The following ZNF433 variants were observed in gnomAD, a reference collection of about 807,000 sequenced individuals.
ZNF433 encodes the protein zinc finger protein 433.
A neutral mutation model predicts 10.6 loss-of-function variants in ZNF433; 12 were observed. The observed-to-expected ratio is 1.13, with a 90% CI of 0.72 to 1.83. ZNF433 has a LOEUF of 1.83. Among genes scored for constraint, ZNF433 ranks in the 40% most tolerant of loss-of-function variants. The pLI is 0.00. For synonymous variants in ZNF433, 272 were observed against 271.3 expected, an observed-to-expected ratio of 1.00 and a Z score of -0.02; for missense variants, 737 against 798.0, an observed-to-expected ratio of 0.92 and a Z score of 0.92.
chr19:12,027,739 A>G (rs554709156), intron 1 of ZNF433, among the ~76,000 whole-genome samples: 89 of 152,254 alleles, frequency 5.8e-4, no homozygotes, highest in African/African-American at 2.0e-3. Context: ...TCCACATTCT[A>G]TTATTTCTCT....
intron 1 of ZNF433, among the ~76,000 whole-genome samples, chr19:12,022,653 T>G (rs1156283131): frequency 6.6e-6 from 1 of 152,072 alleles, no homozygotes; most frequent in African/African-American, 2.4e-5. Context: ...AGCATCAGGG[T>G]AACAAAGGGA....
rs779159244 is a variant in ZNF433, at chr19:12,015,398, G to T, written c.1460C>A (p.Pro487His). The change falls in exon 4 of 4, where the codon CCC becomes CAC. Residue 487 changes from proline to histidine, a missense_variant. By Grantham distance (77) the Pro-to-His change is moderately conservative. Coordinates refer to ENST00000550507, the MANE Select transcript of ZNF433 (RefSeq NM_001308348.2). Reference sequence around the variant, plus strand: ...CCTTTCATGTCTATGAAATAAACTGGGCAAACTGAATGTTTTCCCATAACC... The same window carrying T: ...CCTTTCATGTCTATGAAATAAACTGTGCAAACTGAATGTTTTCCCATAACC... Reference protein sequence around the residue: ...CKGYGKTFSLPSLFHRHERTH... With the variant: ...CKGYGKTFSLHSLFHRHERTH... The T allele has an allele frequency of 6.2e-7, 1 of 1,614,106 alleles. No individual in the cohort carries two copies. Among genetic ancestry groups the T allele is most frequent in the Middle Eastern group, 1.6e-4 (1 of 6,062 alleles).
chr19:12,018,395 C>T, intron 1 of ZNF433, 103 bp from the exon 2 acceptor site: 42 of 1,360,804 alleles, frequency 3.1e-5, no homozygotes, highest in Non-Finnish European at 3.8e-5. Flanking sequence ...GGACTCAAAA[C>T]AATTATTCCA....
chr19:12,031,930 T>G (rs1483566245), intron 1 of ZNF433, among the ~76,000 whole-genome samples: 1 of 150,618 alleles, frequency 6.6e-6, no homozygotes, highest in East Asian at 1.9e-4. Context: ...GTTTTTTTTT[T>G]TTCTTTCTCT....
intron 1 of ZNF433, chr19:12,030,199 C>A (rs1183121876): frequency 2.3e-6 from 1 of 442,566 alleles, no homozygotes; most frequent in Non-Finnish European, 4.5e-6. Context: ...GCTTCCAGAA[C>A]TGTCAGAAAG....
chr19:12,030,374 C>T (rs1179742140), intron 1 of ZNF433, among the ~76,000 whole-genome samples: 2 of 152,160 alleles, frequency 1.3e-5, no homozygotes, highest in South Asian at 4.1e-4. Flanking sequence ...GTGCGCATCA[C>T]CAAGCCCAGC....
At chr19:12,029,618 A>T (rs1385024884) in intron 1 of ZNF433, among the ~76,000 whole-genome samples, 1 of 151,790 alleles carries the variant, frequency 6.6e-6, no homozygotes. Flanking sequence ...TCCCACTCCA[A>T]ATCATACAGT....
rs373926598 is a variant in ZNF433, at chr19:12,017,898, C to T, written c.169G>A (p.Glu57Lys). Residue 57 changes from glutamate (E) to lysine (K), a missense_variant, in exon 3 of 4, where the codon GAA (glutamate) becomes AAA (lysine). Glu to Lys is a moderately conservative substitution (Grantham distance 56, BLOSUM62 1). Coordinates refer to ENST00000550507, the MANE Select transcript of ZNF433 (RefSeq NM_001308348.2). ...WKPQNIYVEY[E>K]NLRRNLRIVG... ...TACCTTAGGTTTCTCCTTAGATTTTCGTACTCTACATATATGTTCTGGGGT... is the reference window on the plus strand; with the variant it reads ...TACCTTAGGTTTCTCCTTAGATTTTTGTACTCTACATATATGTTCTGGGGT... The T allele has an allele frequency of 7.5e-5, 119 of 1,590,686 alleles. No homozygotes were observed. The highest frequency in any genetic ancestry group is 7.0e-4 in the East Asian group (31 of 44,052).
intron 1 of ZNF433, chr19:12,027,947 A>AAACCATGTACT (rs1488416688): frequency 6.6e-6 from 1 of 152,228 alleles, no homozygotes; most frequent in African/African-American, 2.4e-5. Context: ...GGAATTCTAC[A>AAACCATGTACT]AACCATGTAC....
In ZNF433 at chr19:12,016,744, A is replaced by AT. The variant is rs1273683971; in HGVS notation, c.192-79dup. 6.6e-6 allele frequency: 10 copies of AT among 1,511,618 alleles called. No individual in the cohort carries two copies. The East Asian group carries it at 1.2e-4, about 18-fold the overall frequency. 93.6% of individuals were successfully genotyped at this position (1,511,618 alleles called of 1,614,324 possible). A position where few individuals can be genotyped will look rare whatever the true frequency, so the allele number is the denominator to read the frequency against. The stretch of plus-strand genomic sequence containing the variant: ...ATTCATTCACAAGTATTGCACTTGC[A>AT]TTTTTTCTCTTTTTTTTGAGATGGA... On this transcript the variant is annotated intron_variant, in intron 3 of 3. Transcript: ENST00000550507.
chr19:12,018,168 A>T lies in ZNF433; in HGVS notation c.128T>A (p.Ile43Lys). Residue 43 changes from isoleucine (I) to lysine (K), a missense_variant and splice_region_variant, in exon 2 of 4, where the codon ATA becomes AAA. Ile to Lys is a moderately radical substitution (Grantham distance 102). Transcript: ENST00000550507. ...MQETFRNLASIGKKWKPQNIY... is the reference protein window; with the variant it reads ...MQETFRNLASKGKKWKPQNIY... ...GGAAGTAATGTTGTCACCCTTACCTATAGAGGCCAGGTTCCTGAAGGTTTC... is the reference window on the plus strand; with the variant it reads ...GGAAGTAATGTTGTCACCCTTACCTTTAGAGGCCAGGTTCCTGAAGGTTTC... 1 of 1,588,952 alleles carries T rather than the reference A, an allele frequency of 6.3e-7. No homozygotes were observed. The highest frequency in any genetic ancestry group is 8.5e-7 in the Non-Finnish European group (1 of 1,172,192).
chr19:12,033,371 A>AT (rs1383915306), intron 1 of ZNF433, among the ~76,000 whole-genome samples: 31 of 152,302 alleles, frequency 2.0e-4, no homozygotes, highest in Non-Finnish European at 5.9e-5. Context: ...TGTTGGGATT[A>AT]TAGGCATGAG....
chr19:12,016,928 G>T (rs1185482887), intron 3 of ZNF433, among the ~76,000 whole-genome samples: 2 of 152,036 alleles, frequency 1.3e-5, no homozygotes, highest in Admixed American at 6.6e-5. Context: ...TATTTTAGTA[G>T]ACGGGGTTTC....
chr19:12,021,935 G>T (rs1402932343), intron 1 of ZNF433: 1 of 456,798 alleles, frequency 2.2e-6, no homozygotes, highest in Non-Finnish European at 4.4e-6. Flanking sequence ...CTTACCTCCT[G>T]CAGTGATGAT....
In ZNF433 at chr19:12,025,461, T is replaced by G. The variant is rs1006360742; in HGVS notation, c.4-7169A>C. ...TACTACAATATCTAATGCCAGACAC[T>G]TTCACAATTTAACCCATGTTAATGC... On this transcript the variant is annotated intron_variant, in intron 1 of 3. Coordinates refer to ENST00000550507, the MANE Select transcript of ZNF433 (RefSeq NM_001308348.2). The G allele has an allele frequency of 4.6e-5, 7 of 152,336 alleles. No homozygotes were observed. The East Asian group carries it at 1.3e-3, about 29-fold the overall frequency. 9.4% of individuals were successfully genotyped at this position (152,336 alleles called of 1,614,324 possible). A position where few individuals can be genotyped will look rare whatever the true frequency, so the allele number is the denominator to read the frequency against.
At position 12,017,899 on chromosome 19, in the gene ZNF433, G is replaced by A. The variant is rs200983088; in HGVS notation, c.168C>T (p.Tyr56=). The change falls in exon 3 of 4, where the codon TAC becomes TAT. Residue 56 remains tyrosine (Y), a synonymous_variant. Transcript: ENST00000550507. ...KWKPQNIYVE[Y]ENLRRNLRIV... ...ACCTTAGGTTTCTCCTTAGATTTTC[G>A]TACTCTACATATATGTTCTGGGGTT... 6.2e-5 allele frequency: 99 copies of A among 1,587,154 alleles called. No homozygotes were observed. Among genetic ancestry groups the A allele is most frequent in the Non-Finnish European group, 7.3e-5 (86 of 1,172,720 alleles).
intron 1 of ZNF433, among the ~76,000 whole-genome samples, chr19:12,033,900 A>G (rs1005541720): frequency 6.6e-6 from 1 of 152,210 alleles, no homozygotes; most frequent in Non-Finnish European, 1.5e-5. Context: ...AATTTTAGAA[A>G]GGAACTGAAA....
At chr19:12,017,694 T>C (rs995119079) in intron 3 of ZNF433, among the ~76,000 whole-genome samples, 182 bp downstream of exon 3, 1 of 152,106 alleles carries the variant, frequency 6.6e-6, no homozygotes, top group Admixed American at 6.5e-5. Context: ...GGCTGAAATA[T>C]AGTCCTGGGC....
At chr19:12,021,590 A>G (rs1283826176) in intron 1 of ZNF433, among the ~76,000 whole-genome samples, 1 of 152,178 alleles carries the variant, frequency 6.6e-6, no homozygotes, top group Non-Finnish European at 1.5e-5. Flanking sequence ...AATATAATAT[A>G]CAGAACTGTA....
Sources: allele counts gnomAD v4.1 joint callset (sites outside exome capture counted in the v4.1 genomes callset), GRCh38; gene constraint gnomAD v4.1.1; transcripts MANE v1.5; gene names NCBI Gene and HGNC (gene_info 2026-07-23, HGNC 2026-07-21).